Variants in SRGAP2 observed in about 807,000 individuals in gnomAD.
SRGAP2 encodes the protein SLIT-ROBO Rho GTPase activating protein 2, also known as SLIT-ROBO Rho GTPase-activating protein 2.
In SRGAP2, 15 loss-of-function variants were observed where a neutral mutation model predicts 57.2. That is an observed-to-expected ratio of 0.26 (90% CI 0.18 to 0.40). The LOEUF (loss-of-function observed/expected upper bound fraction) is 0.40. Among genes scored for constraint, SRGAP2 ranks in the 10% least tolerant of loss-of-function variants. The pLI is 1.00. For missense variants in SRGAP2, 520 were observed against 669.6 expected (o/e 0.78, Z 2.47); for synonymous variants, 249 against 248.0 (o/e 1.00, Z -0.04).
At chr1:206,277,862 C>T (rs1446016527) in intron 2 of SRGAP2, among the ~76,000 whole-genome samples, 1 of 151,766 alleles carries the variant, frequency 6.6e-6, no homozygotes, top group Non-Finnish European at 1.5e-5. Context: ...GCTTGTAATC[C>T]CAGCTACTTG....
intron 12 of SRGAP2, among the ~76,000 whole-genome samples, chr1:206,419,892 T>C (rs1188668830): frequency 2.0e-5 from 3 of 152,010 alleles, no homozygotes; most frequent in Non-Finnish European, 4.4e-5. Context: ...TTACATTGCA[T>C]TGGCTCGCCA....
intron 14 of SRGAP2, among the ~76,000 whole-genome samples, chr1:206,434,953 G>A (rs1661597549): frequency 6.6e-6 from 1 of 152,204 alleles, no homozygotes; most frequent in Non-Finnish European, 1.5e-5. Context: ...GTTGTGACAT[G>A]TGGCTGTTTC....
chr1:206,323,666 A>C (rs1673645962), intron 3 of SRGAP2, among the ~76,000 whole-genome samples: 1 of 142,232 alleles, frequency 7.0e-6, no homozygotes, highest in Non-Finnish European at 1.5e-5. Context: ...AATATGCTTG[A>C]TGTAAGACCT....
intron 3 of SRGAP2, among the ~76,000 whole-genome samples, chr1:206,324,823 T>C (rs1268196499): frequency 2.0e-5 from 3 of 152,156 alleles, no homozygotes; most frequent in Non-Finnish European, 4.4e-5. Context: ...CTTACAGGTA[T>C]GTAAGGAAGA....
chr1:206,433,826 T>G (rs1661485546), intron 14 of SRGAP2, among the ~76,000 whole-genome samples: 1 of 152,126 alleles, frequency 6.6e-6, no homozygotes, highest in Non-Finnish European at 1.5e-5. Context: ...TAAAAAGATC[T>G]CTAAACAAAT....
chr1:206,328,328 T>G (rs1453831910), intron 3 of SRGAP2, among the ~76,000 whole-genome samples: 2 of 117,532 alleles, frequency 1.7e-5, no homozygotes, highest in Non-Finnish European at 3.3e-5. Flanking sequence ...TACCCAGTAA[T>G]GCGATGGCTG....
At chr1:206,438,299 C>T (rs1452894412) in intron 16 of SRGAP2, among the ~76,000 whole-genome samples, 1 of 148,242 alleles carries the variant, frequency 6.7e-6, no homozygotes, top group East Asian at 2.0e-4. Flanking sequence ...GAATCTAGGA[C>T]CCCCCAAGTC....
intron 2 of SRGAP2, among the ~76,000 whole-genome samples, chr1:206,258,307 A>G (rs1377640197): frequency 6.6e-6 from 1 of 152,224 alleles, no homozygotes. Flanking sequence ...AGTAGTTTCA[A>G]CAGAGAACAT....
intron 15 of SRGAP2, among the ~76,000 whole-genome samples, chr1:206,437,368 T>C (rs1661860165): frequency 6.6e-6 from 1 of 152,262 alleles, no homozygotes; most frequent in Non-Finnish European, 1.5e-5. Flanking sequence ...TCAAGGCTAA[T>C]GCGCTTGTTC....
intron 17 of SRGAP2, among the ~76,000 whole-genome samples, chr1:206,443,872 C>T (rs1281221459): frequency 6.6e-6 from 1 of 152,128 alleles, no homozygotes; most frequent in Non-Finnish European, 1.5e-5. Context: ...ATTGAAGGAA[C>T]TTGTGTCCCC....
chr1:206,409,940 AAC>A (rs1491484503), intron 10 of SRGAP2, among the ~76,000 whole-genome samples: 2 of 151,586 alleles, frequency 1.3e-5, no homozygotes, highest in Non-Finnish European at 1.5e-5. Context: ...CTCTACTAAA[AAC>A]ACAAAAAAAT....
At chr1:206,394,472 G>T (rs1313755844) in intron 7 of SRGAP2, among the ~76,000 whole-genome samples, 2 of 152,292 alleles carry the variant, frequency 1.3e-5, no homozygotes, top group East Asian at 1.9e-4. Context: ...AGGTTTCTCA[G>T]TGTTAACTCA....
chr1:206,413,563 GT>G (rs1659403783), intron 10 of SRGAP2, among the ~76,000 whole-genome samples: 1 of 152,194 alleles, frequency 6.6e-6, no homozygotes, highest in Non-Finnish European at 1.5e-5. Flanking sequence ...GTTTTGGCTT[GT>G]TTTATTTTTA....
chr1:206,335,897 ACATTTC>A (rs1337273986), intron 3 of SRGAP2, among the ~76,000 whole-genome samples: 6 of 151,966 alleles, frequency 3.9e-5, no homozygotes, highest in African/African-American at 1.5e-4. Flanking sequence ...ATTGATGGAG[ACATTTC>A]CAGTTAGTGT....
intron 10 of SRGAP2, among the ~76,000 whole-genome samples, chr1:206,414,964 G>C (rs150206853): frequency 6.6e-6 from 1 of 152,152 alleles, no homozygotes; most frequent in Non-Finnish European, 1.5e-5. Flanking sequence ...GCATTTTGTC[G>C]TAATGGTTAA....
chr1:206,459,315 A>G (rs1232996524), intron 22 of SRGAP2, among the ~76,000 whole-genome samples: 1 of 151,466 alleles, frequency 6.6e-6, no homozygotes, highest in Non-Finnish European at 1.5e-5. Flanking sequence ...GATCAGGTGT[A>G]ATCCTGGCCA....
chr1:206,378,925 T>C (rs1655470822), intron 4 of SRGAP2, among the ~76,000 whole-genome samples: 1 of 152,132 alleles, frequency 6.6e-6, no homozygotes, highest in African/African-American at 2.4e-5. Flanking sequence ...AAAAAATGTA[T>C]TTTTTGAACA....
chr1:206,421,227 T>C (rs1553364196), intron 12 of SRGAP2, 23 bp from the exon 13 acceptor site: 2 of 778,622 alleles, frequency 2.6e-6, no homozygotes, highest in East Asian at 2.4e-5. Flanking sequence ...TGGTCCAATC[T>C]GATTCGGCGG....
In SRGAP2 at chr1:206,421,236, G is replaced by A. The variant is rs77832546; in HGVS notation, c.1470-14G>A. ...CTGGATTGGTCCAATCTGATTCGGCGGGATTGGTCACAGGCGCAGCTCAAC... is the reference window on the plus strand; with the variant it reads ...CTGGATTGGTCCAATCTGATTCGGCAGGATTGGTCACAGGCGCAGCTCAAC... On this transcript the variant is annotated splice_polypyrimidine_tract_variant and intron_variant, in intron 12 of 22. Coordinates refer to ENST00000573034, the MANE Select transcript of SRGAP2 (RefSeq NM_015326.5). The A allele has an allele frequency of 6.3e-5, 49 of 778,122 alleles. No individual in the cohort carries two copies. The East Asian group carries it at 1.1e-3, about 17-fold the overall frequency. 48.2% of individuals were successfully genotyped at this position (778,122 alleles called of 1,614,324 possible). A position where few individuals can be genotyped will look rare whatever the true frequency, so the allele number is the denominator to read the frequency against.
Sources: gnomAD v4.1 joint callset for allele counts (sites outside exome capture counted in the v4.1 genomes callset) on GRCh38, gnomAD v4.1.1 for gene constraint, MANE v1.5 for transcripts, NCBI Gene and HGNC (gene_info 2026-07-23, HGNC 2026-07-21) for gene names.